The following HDAC5 variants were observed in gnomAD, a reference collection of about 807,000 sequenced individuals.
The protein encoded by HDAC5 is antigen NY-CO-9.
A neutral mutation model predicts 133.3 loss-of-function variants in HDAC5; 25 were observed. The ratio of observed to expected loss-of-function variants is 0.19; its 90% CI spans 0.14 to 0.26. The LOEUF is 0.26. HDAC5 is among the 10% of genes least tolerant of loss of function. The pLI is 1.00. For missense variants in HDAC5, 1,041 were observed against 1,460.5 expected (o/e 0.71, Z 4.68); for synonymous variants, 589 against 610.8 (o/e 0.96, Z 0.53).
intron 15 of HDAC5, 83 bp from the exon 16 acceptor site, chr17:44,084,758 G>A: frequency 6.5e-7 from 1 of 1,532,722 alleles, no homozygotes. Flanking sequence ...GGCACACAGA[G>A]CCACTTCCTG....
chr17:44,111,743 C>T, intron 2 of HDAC5: 3 of 491,852 alleles, frequency 6.1e-6, no homozygotes, highest in Non-Finnish European at 1.2e-5. Context: ...CCCCTAAACA[C>T]CTGCTAAATG....
intron 3 of HDAC5, among the ~76,000 whole-genome samples, chr17:44,103,676 T>C (rs1159961149): frequency 6.6e-6 from 1 of 151,726 alleles, no homozygotes; most frequent in Non-Finnish European, 1.5e-5. Flanking sequence ...GGCAATCTAG[T>C]GAAGCCTGTG....
intron 3 of HDAC5, among the ~76,000 whole-genome samples, chr17:44,099,859 C>A (rs992139600): frequency 6.6e-6 from 1 of 152,200 alleles, no homozygotes. Context: ...CTCACGAGCA[C>A]AAGTGGCCAT....
In HDAC5 at chr17:44,091,843, T is replaced by A; in HGVS notation, c.1033-12A>T. The A allele has an allele frequency of 6.5e-7, 1 of 1,538,508 alleles. No homozygotes were observed. Among genetic ancestry groups the A allele is most frequent in the Non-Finnish European group, 8.7e-7 (1 of 1,144,618 alleles). On this transcript the variant is annotated splice_polypyrimidine_tract_variant and intron_variant, in intron 9 of 26. Coordinates refer to ENST00000682912, the MANE Select transcript of HDAC5 (RefSeq NM_005474.5). ...TGCTGAGGGAGCATCTGGGGAGCAGTCAGAAGAGACAGGCATGAGAGTGCA... is the reference window on the plus strand; with the variant it reads ...TGCTGAGGGAGCATCTGGGGAGCAGACAGAAGAGACAGGCATGAGAGTGCA...
intron 2 of HDAC5, 103 bp from the exon 3 acceptor site, chr17:44,110,903 C>T (rs771597663): frequency 1.0e-4 from 100 of 981,952 alleles, no homozygotes; most frequent in African/African-American, 1.3e-4. Context: ...CCGCCAGAGG[C>T]GGGGAGCAGA....
chr17:44,092,683 G>T lies in HDAC5; in HGVS notation c.765C>A (p.Arg255=). 6.6e-7 allele frequency: 1 copy of T among 1,520,056 alleles called. No individual in the cohort carries two copies. The highest frequency in any genetic ancestry group is 8.8e-7 in the Non-Finnish European group (1 of 1,133,114). 94.2% of individuals were successfully genotyped at this position (1,520,056 alleles called of 1,614,324 possible). Residue 255 remains arginine, a synonymous_variant, in exon 7 of 27, where the codon CGC becomes CGA. Coordinates refer to ENST00000682912, the MANE Select transcript of HDAC5 (RefSeq NM_005474.5). ...GGTGGGGGACTCACTCACCTGTTTTGCGGAGGGGGAAGTCGTCTCGACTGT... is the reference window on the plus strand; with the variant it reads ...GGTGGGGGACTCACTCACCTGTTTTTCGGAGGGGGAAGTCGTCTCGACTGT... The part of the protein sequence containing the change: ...PYDSRDDFPL[R]KTASEPNLKV...
intron 14 of HDAC5, 77 bp downstream of exon 14, chr17:44,086,495 C>A: frequency 8.3e-7 from 1 of 1,206,770 alleles, no homozygotes; most frequent in Non-Finnish European, 1.1e-6. Flanking sequence ...CAGCCTCTTC[C>A]CCCTGCCATG....
At chr17:44,101,059 G>A (rs1053798694) in intron 3 of HDAC5, among the ~76,000 whole-genome samples, 1 of 150,116 alleles carries the variant, frequency 6.7e-6, no homozygotes, top group Non-Finnish European at 1.5e-5. Context: ...AAAGTGCTGG[G>A]ATTACAGGCG....
In HDAC5 at chr17:44,080,134, G is replaced by A. The variant is rs981288045; in HGVS notation, c.2917C>T (p.Leu973=). 3 of 1,613,736 alleles carry A rather than the reference G, an allele frequency of 1.9e-6. No individual in the cohort carries two copies. The highest frequency in any genetic ancestry group is 3.3e-5 in the Admixed American group (2 of 60,004). ...CTGGCGGTGACAGAGTAGCCACCCA[G>A]AGGAGACAGATGTCCTTCAACAGCA... ...FDAVEGHLSP[L]GGYSVTARCF... Residue 973 remains leucine, a synonymous_variant, in exon 23 of 27, where the codon CTG becomes TTG. Transcript: ENST00000682912.
At chr17:44,091,245 CT>C in intron 11 of HDAC5, 24 bp downstream of exon 11, 1 of 1,576,562 alleles carries the variant, frequency 6.3e-7, no homozygotes. Context: ...AGCCCCCTCC[CT>C]TGCACAGCTA....
At chr17:44,082,195 G>A (rs964389182) in intron 20 of HDAC5, 9 of 193,304 alleles carry the variant, frequency 4.7e-5, no homozygotes, top group Admixed American at 2.1e-4. Context: ...CTTACTACTC[G>A]AGGTGGCCAT....
At chr17:44,103,423 G>C (rs888279624) in intron 3 of HDAC5, among the ~76,000 whole-genome samples, 13 of 152,174 alleles carry the variant, frequency 8.5e-5, no homozygotes, top group Non-Finnish European at 1.8e-4. Context: ...AAGGGCTCTG[G>C]AGTGAGAGGA....
At chr17:44,100,578 C>G (rs76174261) in intron 3 of HDAC5, among the ~76,000 whole-genome samples, 1 of 89,374 alleles carries the variant, frequency 1.1e-5, no homozygotes, top group Non-Finnish European at 2.2e-5. Context: ...ACTAAAGATA[C>G]AAAAAAAAAA....
At chr17:44,122,269 G>A (rs1277937893) in intron 1 of HDAC5, among the ~76,000 whole-genome samples, 1 of 152,116 alleles carries the variant, frequency 6.6e-6, no homozygotes, top group Non-Finnish European at 1.5e-5. Flanking sequence ...GAAACTAAGA[G>A]GAAGCCAAAG....
At position 44,078,716 on chromosome 17, in the gene HDAC5, T is replaced by TG. The variant is rs777475017; in HGVS notation, c.3164-52dup. On this transcript the variant is annotated intron_variant, in intron 25 of 26. Coordinates refer to ENST00000682912, the MANE Select transcript of HDAC5 (RefSeq NM_005474.5). ...TCAGGGAGGGCAGAGGACACCCACA[T>TG]GAACAGTCCCAGTCCTGGTGCTCCC... 4 of 1,609,552 alleles carry TG rather than the reference T, an allele frequency of 2.5e-6. No individual in the cohort carries two copies. In the Admixed American group the frequency reaches 6.7e-5, roughly 27 times the overall value.
chr17:44,093,740 C>G lies in HDAC5; in HGVS notation c.189G>C (p.Leu63=), dbSNP rs2051088892. ...GCAGTGTGGGGTCCACAGAGCCCAC[C>G]AGAGCCCCCCGTAGCTCCACAGGGC... The part of the protein sequence containing the change: ...SPSPVELRGA[L]VGSVDPTLRE... The change falls in exon 4 of 27, where the codon CTG becomes CTC. Residue 63 remains leucine, a synonymous_variant. Transcript: ENST00000682912. The G allele has an allele frequency of 3.1e-6, 5 of 1,603,638 alleles. No homozygotes were observed. The highest frequency in any genetic ancestry group is 4.5e-5 in the East Asian group (2 of 44,684).
intron 3 of HDAC5, among the ~76,000 whole-genome samples, chr17:44,110,385 C>T (rs761513632): frequency 1.3e-5 from 2 of 152,202 alleles, no homozygotes; most frequent in Non-Finnish European, 2.9e-5. Flanking sequence ...AGCATGGAGG[C>T]GGGTCACTGA....
intron 3 of HDAC5, among the ~76,000 whole-genome samples, chr17:44,108,048 TCC>T (rs930039220): frequency 6.6e-6 from 1 of 152,006 alleles, no homozygotes; most frequent in African/African-American, 2.4e-5. Context: ...ACTCCCAGGC[TCC>T]CCAAGCCAGA....
intron 3 of HDAC5, among the ~76,000 whole-genome samples, chr17:44,106,525 A>G (rs957999988): frequency 1.3e-5 from 2 of 152,060 alleles, no homozygotes; most frequent in Non-Finnish European, 2.9e-5. Flanking sequence ...TCGCCAGGCC[A>G]TGCACACTGG....
Sources: gnomAD v4.1 joint callset for allele counts (sites outside exome capture counted in the v4.1 genomes callset) on GRCh38, gnomAD v4.1.1 for gene constraint, MANE v1.5 for transcripts, NCBI Gene and HGNC (gene_info 2026-07-23, HGNC 2026-07-21) for gene names.